The following TMEM108 variants were observed in gnomAD, a reference collection of about 807,000 sequenced individuals.
TMEM108 encodes the protein cancer/testis antigen 124.
Under a neutral mutation model 35.1 loss-of-function variants are expected in TMEM108, and 12 were observed. The ratio of observed to expected loss-of-function variants is 0.34; its 90% CI spans 0.22 to 0.55. The LOEUF (loss-of-function observed/expected upper bound fraction) is 0.55, where lower values mean the gene tolerates loss of function less well. TMEM108 is among the 20% of genes least tolerant of loss of function. The pLI, the probability that TMEM108 is intolerant of heterozygous loss-of-function variation, is 0.89. For missense variants in TMEM108, 680 were observed against 753.3 expected, an observed-to-expected ratio of 0.90 and a Z score of 1.14; for synonymous variants, 287 against 308.6, an observed-to-expected ratio of 0.93 and a Z score of 0.73.
intron 3 of TMEM108, among the ~76,000 whole-genome samples, chr3:133,355,583 A>C (rs939536523): frequency 1.3e-5 from 2 of 152,252 alleles, no homozygotes; most frequent in Non-Finnish European, 1.5e-5. Flanking sequence ...GGAATTTGAT[A>C]TTCATGGAAC....
At chr3:133,369,680 C>G (rs537534268) in intron 3 of TMEM108, among the ~76,000 whole-genome samples, 1 of 152,204 alleles carries the variant, frequency 6.6e-6, no homozygotes, top group African/African-American at 2.4e-5. Context: ...TAAGTGGACT[C>G]CAAAGCACAT....
chr3:133,103,307 A>G (rs560700445), intron 2 of TMEM108, among the ~76,000 whole-genome samples: 1 of 152,190 alleles, frequency 6.6e-6, no homozygotes, highest in Non-Finnish European at 1.5e-5. Flanking sequence ...GCTGGATGCC[A>G]TTATCCTTAG....
At chr3:133,049,033 T>G (rs1943372224) in intron 2 of TMEM108, among the ~76,000 whole-genome samples, 1 of 152,240 alleles carries the variant, frequency 6.6e-6, no homozygotes, top group Admixed American at 6.5e-5. Context: ...AGACTCCCAG[T>G]GATCCTGATG....
intron 2 of TMEM108, among the ~76,000 whole-genome samples, chr3:133,140,649 G>A (rs1944628242): frequency 6.6e-6 from 1 of 152,142 alleles, no homozygotes; most frequent in South Asian, 2.1e-4. Flanking sequence ...CAGAAATTAA[G>A]TACCAAATTG....
chr3:133,189,311 C>G (rs138147137), intron 2 of TMEM108, among the ~76,000 whole-genome samples: 26 of 152,292 alleles, frequency 1.7e-4, no homozygotes, highest in African/African-American at 6.0e-4. Context: ...GAGAGGAGGA[C>G]TTTCCTGCTA....
At chr3:133,372,078 C>T (rs1263097985) in intron 3 of TMEM108, among the ~76,000 whole-genome samples, 1 of 152,166 alleles carries the variant, frequency 6.6e-6, no homozygotes, top group African/African-American at 2.4e-5. Flanking sequence ...AATCAAATGA[C>T]TAAGGCAAAA....
rs139556100 is a variant in TMEM108 at position 133,249,968 on chromosome 3, G to A, written c.40+20617G>A. 3.0e-3 allele frequency among the ~76,000 whole-genome samples: 450 copies of A among 152,106 alleles called. 5 individuals are homozygous for A. The highest frequency in any genetic ancestry group is 0.01 in the African/African-American group (420 of 41,494). ...TGTTTTTAATTTTTTTAAGAGAAAG[G>A]GTCTCACTATGTTGCCCAGGCTGGC... On this transcript the variant is annotated intron_variant, in intron 3 of 5. Coordinates refer to ENST00000321871, the MANE Select transcript of TMEM108 (RefSeq NM_023943.4).
At chr3:133,193,142 T>A (rs1945525451) in intron 2 of TMEM108, among the ~76,000 whole-genome samples, 1 of 152,084 alleles carries the variant, frequency 6.6e-6, no homozygotes, top group Non-Finnish European at 1.5e-5. Context: ...GGAGCAGAAG[T>A]GTGTGGATCT....
chr3:133,317,066 AAAGT>A (rs1407522256), intron 3 of TMEM108, among the ~76,000 whole-genome samples: 1 of 151,844 alleles, frequency 6.6e-6, no homozygotes. Context: ...TGTGCTTGTC[AAAGT>A]AAGGATTTAT....
intron 2 of TMEM108, among the ~76,000 whole-genome samples, chr3:133,215,365 T>TAA (rs35908719): frequency 0.034 from 4,587 of 135,326 alleles, 93 homozygotes; most frequent in African/African-American, 0.053. Context: ...CATAAAAATG[T>TAA]AAAAAAAAAA....
intron 2 of TMEM108, among the ~76,000 whole-genome samples, chr3:133,088,449 T>C (rs1299664159): frequency 6.6e-6 from 1 of 152,096 alleles, no homozygotes; most frequent in Non-Finnish European, 1.5e-5. Context: ...TGTGGGGTGG[T>C]AGGAATAGAG....
intron 3 of TMEM108, among the ~76,000 whole-genome samples, chr3:133,266,129 AG>A (rs1946693845): frequency 6.6e-6 from 1 of 151,886 alleles, no homozygotes; most frequent in African/African-American, 2.4e-5. Context: ...TCCTTAGCCT[AG>A]ATTTTCTGGA....
intron 2 of TMEM108, among the ~76,000 whole-genome samples, chr3:133,188,909 T>A (rs1224065558): frequency 6.6e-6 from 1 of 152,122 alleles, no homozygotes; most frequent in Non-Finnish European, 1.5e-5. Flanking sequence ...AAATCAGCAT[T>A]TCTCTGCTGA....
chr3:133,180,220 A>G (rs115551247), intron 2 of TMEM108, among the ~76,000 whole-genome samples: 4,097 of 152,242 alleles, frequency 0.027, 217 homozygotes, highest in African/African-American at 0.093. Flanking sequence ...TAAATTCAAA[A>G]TGTTCTGTGG....
intron 3 of TMEM108, among the ~76,000 whole-genome samples, chr3:133,369,380 G>A (rs534065014): frequency 6.6e-6 from 1 of 152,300 alleles, no homozygotes; most frequent in African/African-American, 2.4e-5. Context: ...GTCCAGCATC[G>A]TATGTGGCTT....
chr3:133,230,799 A>G (rs892398354), intron 3 of TMEM108, among the ~76,000 whole-genome samples: 1 of 152,178 alleles, frequency 6.6e-6, no homozygotes, highest in Non-Finnish European at 1.5e-5. Context: ...GGCATCAGTA[A>G]ATTATCCTGC....
chr3:133,176,508 G>C (rs182314321), intron 2 of TMEM108, among the ~76,000 whole-genome samples: 186 of 152,280 alleles, frequency 1.2e-3, no homozygotes, highest in Non-Finnish European at 1.5e-3. Flanking sequence ...TCAGGATTCA[G>C]AAACTCAGTC....
intron 2 of TMEM108, among the ~76,000 whole-genome samples, chr3:133,127,381 TTTCC>T (rs1421534659): frequency 1.3e-5 from 2 of 152,222 alleles, no homozygotes; most frequent in African/African-American, 4.8e-5. Flanking sequence ...TCTCTAGCCT[TTTCC>T]TTCACTTCCA....
chr3:133,318,428 C>A (rs1379902573), intron 3 of TMEM108, among the ~76,000 whole-genome samples: 1 of 152,118 alleles, frequency 6.6e-6, no homozygotes, highest in Non-Finnish European at 1.5e-5. Flanking sequence ...TTTTTCAAAC[C>A]CATTTTATAG....
Sources: gnomAD v4.1 joint callset for allele counts (sites outside exome capture counted in the v4.1 genomes callset) on GRCh38, gnomAD v4.1.1 for gene constraint, MANE v1.5 for transcripts, NCBI Gene and HGNC (gene_info 2026-07-23, HGNC 2026-07-21) for gene names.